Variants in MYRIP observed in about 807,000 individuals in gnomAD.
MYRIP encodes myosin VIIA and Rab interacting protein.
MYRIP carries 49 observed loss-of-function variants against 98.0 expected under a neutral mutation model. The ratio of observed to expected loss-of-function variants is 0.50; its 90% CI spans 0.40 to 0.63. The LOEUF (loss-of-function observed/expected upper bound fraction) is 0.63. Ranked by LOEUF, MYRIP falls within the 30% of genes least tolerant of loss-of-function variation. The pLI, the probability that MYRIP is intolerant of heterozygous loss-of-function variation, is 0.00. For synonymous variants in MYRIP, 404 were observed against 409.5 expected, an observed-to-expected ratio of 0.99 and a Z score of 0.16; for missense variants, 1,004 against 1,058.2, an observed-to-expected ratio of 0.95 and a Z score of 0.71.
chr3:39,993,493 T>A (rs1457651735), intron 2 of MYRIP, among the ~76,000 whole-genome samples: 1 of 152,200 alleles, frequency 6.6e-6, no homozygotes, highest in Non-Finnish European at 1.5e-5. Context: ...TCTGAGTATG[T>A]ATGGAGGAAA....
rs1254403068 is a variant in MYRIP, at chr3:40,259,455, G to T, written c.*1289G>T. The T allele has an allele frequency of 6.6e-6, 1 of 152,204 alleles. No individual in the cohort carries two copies. Among genetic ancestry groups the T allele is most frequent in the Non-Finnish European group, 1.5e-5 (1 of 68,034 alleles). 9.4% of individuals were successfully genotyped at this position (152,204 alleles called of 1,614,324 possible). A position where few individuals can be genotyped will look rare whatever the true frequency, so the allele number is the denominator to read the frequency against. On this transcript the variant is annotated 3_prime_UTR_variant, in exon 17 of 17. Coordinates refer to ENST00000302541, the MANE Select transcript of MYRIP (RefSeq NM_015460.4). Reference sequence around the variant, plus strand: ...GAAGGAGGCAATGTTCTTCTCATTTGAATCCTTATGGCAACCTTATTCAAT... The same window carrying T: ...GAAGGAGGCAATGTTCTTCTCATTTTAATCCTTATGGCAACCTTATTCAAT...
intron 2 of MYRIP, among the ~76,000 whole-genome samples, chr3:40,038,127 T>C (rs1333629132): frequency 6.7e-5 from 2 of 29,678 alleles, no homozygotes; most frequent in African/African-American, 1.1e-4. Flanking sequence ...GATCAAAATG[T>C]TAAAAAAAAA....
At chr3:40,045,557 A>G (rs61052148) in intron 3 of MYRIP, among the ~76,000 whole-genome samples, 16 of 152,296 alleles carry the variant, frequency 1.1e-4, no homozygotes, top group African/African-American at 3.6e-4. Flanking sequence ...TTTCTCAGTC[A>G]AGGTGGGGTA....
At chr3:39,821,463 A>G (rs536326495) in intron 1 of MYRIP, among the ~76,000 whole-genome samples, 2 of 152,078 alleles carry the variant, frequency 1.3e-5, no homozygotes, top group African/African-American at 4.8e-5. Context: ...GTTTCTATTT[A>G]TTAATCTCTG....
At chr3:40,170,359 A>AT (rs199915137) in intron 8 of MYRIP, among the ~76,000 whole-genome samples, 112 of 151,662 alleles carry the variant, frequency 7.4e-4, no homozygotes, top group Non-Finnish European at 1.0e-3. Flanking sequence ...GATAGGCTGC[A>AT]TTTTTTTTTC....
chr3:40,258,301 C>G lies in MYRIP; in HGVS notation c.*135C>G. 1.0e-6 allele frequency: 1 copy of G among 992,018 alleles called. No homozygotes were observed. Among genetic ancestry groups the G allele is most frequent in the Non-Finnish European group, 1.6e-6 (1 of 636,272 alleles). 61.5% of individuals were successfully genotyped at this position (992,018 alleles called of 1,614,324 possible). ...GGGGAGGCCACAGTGCACCATTGCA[C>G]AGGGCTGTCCTGATACCTCATCCAG... On this transcript the variant is annotated 3_prime_UTR_variant, in exon 17 of 17. Coordinates refer to ENST00000302541, the MANE Select transcript of MYRIP (RefSeq NM_015460.4).
intron 3 of MYRIP, among the ~76,000 whole-genome samples, chr3:40,122,522 G>A (rs767295127): frequency 3.5e-4 from 53 of 151,408 alleles, no homozygotes; most frequent in Non-Finnish European, 6.3e-4. Flanking sequence ...TTATTTTGTC[G>A]TACTTTTTTC....
intron 2 of MYRIP, among the ~76,000 whole-genome samples, chr3:40,035,124 A>C (rs929363764): frequency 1.5e-4 from 22 of 150,834 alleles, no homozygotes; most frequent in African/African-American, 4.9e-4. Flanking sequence ...CCTAATGCTA[A>C]ATGACAAGTT....
intron 8 of MYRIP, among the ~76,000 whole-genome samples, chr3:40,178,433 G>T (rs1559436549): frequency 1.3e-5 from 2 of 152,184 alleles, no homozygotes; most frequent in Non-Finnish European, 2.9e-5. Context: ...TGCCAGGCTT[G>T]CAGCAAAGGC....
intron 1 of MYRIP, among the ~76,000 whole-genome samples, chr3:39,831,181 T>G (rs1464268844): frequency 3.9e-5 from 6 of 152,180 alleles, no homozygotes; most frequent in Non-Finnish European, 8.8e-5. Flanking sequence ...GCCCCAGGAC[T>G]CAGGCTTTAA....
chr3:40,040,848 G>C lies in MYRIP; in HGVS notation c.111-3202G>C, dbSNP rs1167232156. Among the ~76,000 whole-genome samples, 3 of 49,228 alleles carry C rather than the reference G, an allele frequency of 6.1e-5. No homozygotes were observed. The Admixed American group carries it at 7.0e-4, about 12-fold the overall frequency. The allele number at this position is 49,228 out of a possible 152,430, so 32.3% of individuals were successfully genotyped here. A position where few individuals can be genotyped will look rare whatever the true frequency, so the allele number is the denominator to read the frequency against. ...GACTGTGGTGGGGTCGGGGGAGGGG[G>C]GAGGGATAGCATTGGGAGATATACC... On this transcript the variant is annotated intron_variant, in intron 2 of 16. Coordinates refer to ENST00000302541, the MANE Select transcript of MYRIP (RefSeq NM_015460.4).
chr3:39,912,812 G>A (rs565305671), intron 2 of MYRIP, among the ~76,000 whole-genome samples: 27 of 152,346 alleles, frequency 1.8e-4, no homozygotes, highest in Admixed American at 5.2e-4. Context: ...GGCTGAGGCA[G>A]GCAGATCACC....
chr3:40,067,297 C>T (rs922617135), intron 3 of MYRIP, among the ~76,000 whole-genome samples: 1 of 152,080 alleles, frequency 6.6e-6, no homozygotes, highest in African/African-American at 2.4e-5. Flanking sequence ...TGAGCAAAGG[C>T]TGTGTGCAGT....
At chr3:40,082,813 T>G (rs1350021724) in intron 3 of MYRIP, among the ~76,000 whole-genome samples, 1 of 152,212 alleles carries the variant, frequency 6.6e-6, no homozygotes, top group Non-Finnish European at 1.5e-5. Context: ...TCGATGCTCA[T>G]GAAGGCAACT....
chr3:40,020,950 G>A lies in MYRIP; in HGVS notation c.111-23100G>A, dbSNP rs1405886574. Among the ~76,000 whole-genome samples, 4 of 151,952 alleles carry A rather than the reference G, an allele frequency of 2.6e-5. 1 individual carries two copies. Among genetic ancestry groups the A allele is most frequent in the Admixed American group, 1.3e-4 (2 of 15,224 alleles). ...TCCAATATGGGGTGTAGCCATGTAT[G>A]AGCATACTCTAGAAAGCAAGCAGAG... On this transcript the variant is annotated intron_variant, in intron 2 of 16. Transcript: ENST00000302541.
At chr3:39,989,394 G>T (rs1476395519) in intron 2 of MYRIP, among the ~76,000 whole-genome samples, 1 of 152,184 alleles carries the variant, frequency 6.6e-6, no homozygotes, top group South Asian at 2.1e-4. Context: ...CAGCAAAGAT[G>T]GGTGCCTGCT....
chr3:40,197,419 C>T (rs1306892561), intron 10 of MYRIP, among the ~76,000 whole-genome samples: 2 of 152,242 alleles, frequency 1.3e-5, no homozygotes, highest in South Asian at 2.1e-4. Flanking sequence ...TAACATAAAC[C>T]GCTGAACACA....
At chr3:40,218,612 T>TTTTTTTATATATATATATA (rs1337574787) in intron 11 of MYRIP, among the ~76,000 whole-genome samples, 1 of 13,562 alleles carries the variant, frequency 7.4e-5, no homozygotes, top group South Asian at 2.8e-3. Flanking sequence ...TATATATATT[T>TTTTTTTATATATATATATA]TATATATATA....
At chr3:40,031,952 T>C (rs1947271860) in intron 2 of MYRIP, among the ~76,000 whole-genome samples, 1 of 152,082 alleles carries the variant, frequency 6.6e-6, no homozygotes, top group Non-Finnish European at 1.5e-5. Flanking sequence ...CCTGGATTCA[T>C]TAATTTTTTG....
Sources: allele counts gnomAD v4.1 joint callset (sites outside exome capture counted in the v4.1 genomes callset), GRCh38; gene constraint gnomAD v4.1.1; transcripts MANE v1.5; gene names NCBI Gene and HGNC (gene_info 2026-07-23, HGNC 2026-07-21).